CCNH: variants seen among roughly 807,000 people sequenced by gnomAD.
CCNH encodes the protein cyclin H.
CCNH carries 31 observed loss-of-function variants against 41.9 expected under a neutral mutation model. The observed-to-expected ratio is 0.74, with a 90% CI of 0.56 to 1.00. The LOEUF is 1.00. Ranked by LOEUF, CCNH falls within the 50% of genes least tolerant of loss-of-function variation. The probability of loss-of-function intolerance (pLI) is 0.00; values close to 1 mark genes in which losing one functional copy is unlikely to be tolerated. For missense variants in CCNH, 362 were observed against 388.4 expected (o/e 0.93, Z 0.57); for synonymous variants, 138 against 136.1 (o/e 1.01, Z -0.10).
intron 9 of CCNH, chr5:87,383,588 T>G: frequency 1.6e-6 from 1 of 636,490 alleles, no homozygotes. Context: ...TTTCTTTTAT[T>G]GGTTTAGAGT....
intron 9 of CCNH, among the ~76,000 whole-genome samples, chr5:87,326,997 T>G (rs1757277947): frequency 6.6e-6 from 1 of 152,200 alleles, no homozygotes; most frequent in Non-Finnish European, 1.5e-5. Context: ...TCATAAAATT[T>G]GTTAGTTTTT....
chr5:87,322,973 T>C (rs1046013623), intron 9 of CCNH, among the ~76,000 whole-genome samples: 2 of 152,204 alleles, frequency 1.3e-5, no homozygotes. Context: ...GATGTTGATA[T>C]ATTCACCTTA....
intron 9 of CCNH, chr5:87,383,661 A>T: frequency 7.4e-7 from 1 of 1,349,382 alleles, no homozygotes; most frequent in Non-Finnish European, 1.0e-6. Flanking sequence ...AATGTAACAC[A>T]TTATATAGGT....
In CCNH at chr5:87,411,276, C is replaced by T. The variant is rs751743850; in HGVS notation, c.188G>A (p.Arg63Lys). The T allele has an allele frequency of 6.2e-7, 1 of 1,612,630 alleles. No individual in the cohort carries two copies. The highest frequency in any genetic ancestry group is 8.5e-7 in the Non-Finnish European group (1 of 1,179,426). The change falls in exon 2 of 9, where the codon AGG becomes AAG. Residue 63 changes from arginine (R) to lysine (K), a missense_variant. By Grantham distance (26) the Arg-to-Lys change is conservative. Coordinates refer to ENST00000256897, the MANE Select transcript of CCNH (RefSeq NM_001239.4). ...AAACACCGAACAGAATTCCAATAAC[C>T]TTTTCTCATAGTATTTGCAGAGTGT... ...EMTLCKYYEKRLLEFCSVFKP... is the reference protein window; with the variant it reads ...EMTLCKYYEKKLLEFCSVFKP...
At chr5:87,330,217 T>G (rs928570563) in intron 9 of CCNH, among the ~76,000 whole-genome samples, 1 of 152,136 alleles carries the variant, frequency 6.6e-6, no homozygotes, top group Admixed American at 6.5e-5. Context: ...TGTTTTTGTT[T>G]TATTTTTAAA....
At chr5:87,395,601 A>AG (rs1762894090) in intron 7 of CCNH, among the ~76,000 whole-genome samples, 1 of 152,220 alleles carries the variant, frequency 6.6e-6, no homozygotes, top group Non-Finnish European at 1.5e-5. Context: ...TGCTGGGCAC[A>AG]GGGGCTCACA....
At chr5:87,407,137 C>G (rs1250965933) in intron 4 of CCNH, among the ~76,000 whole-genome samples, 2 of 152,074 alleles carry the variant, frequency 1.3e-5, no homozygotes, top group Non-Finnish European at 2.9e-5. Flanking sequence ...TTGGAATGTT[C>G]TTCTCTCTCC....
intron 6 of CCNH, 35 bp downstream of exon 6, chr5:87,401,667 A>G: frequency 7.7e-7 from 1 of 1,298,230 alleles, no homozygotes; most frequent in Non-Finnish European, 1.1e-6. Flanking sequence ...TTTGTATTGG[A>G]AGAAACATTT....
intron 9 of CCNH, among the ~76,000 whole-genome samples, chr5:87,358,691 G>A (rs1395959983): frequency 1.3e-5 from 2 of 152,144 alleles, no homozygotes; most frequent in Non-Finnish European, 2.9e-5. Flanking sequence ...AAAAGCCAAA[G>A]TCCTTAGAAT....
downstream of CCNH, among the ~76,000 whole-genome samples, chr5:87,316,439 C>T (rs979921307): frequency 2.0e-5 from 3 of 152,192 alleles, no homozygotes; most frequent in Non-Finnish European, 4.4e-5. Flanking sequence ...TGGACAATCA[C>T]AAAAATACTT....
At chr5:87,359,671 A>T (rs1000779681) in intron 9 of CCNH, among the ~76,000 whole-genome samples, 12 of 152,208 alleles carry the variant, frequency 7.9e-5, no homozygotes, top group African/African-American at 2.7e-4. Flanking sequence ...AATCTGTATT[A>T]CCAGGAAAGT....
At chr5:87,392,460 C>T (rs190456284), downstream of CCNH, 902 of 413,554 alleles carry the variant, frequency 2.2e-3, 3 homozygotes, top group Admixed American at 4.8e-3. Context: ...CCCTTCTTGG[C>T]TCTTTTATCA....
At chr5:87,409,226 A>G (rs1263199443) in intron 3 of CCNH, 64 bp downstream of exon 3, 1 of 957,538 alleles carries the variant, frequency 1.0e-6, no homozygotes, top group African/African-American at 1.7e-5. Flanking sequence ...TCCTCCCAAA[A>G]AATACTCAAA....
chr5:87,342,697 T>G (rs182260680), intron 9 of CCNH, among the ~76,000 whole-genome samples: 56 of 152,230 alleles, frequency 3.7e-4, no homozygotes, highest in Admixed American at 9.8e-4. Context: ...GGGAAAACTG[T>G]GGGAAGTAGA....
At chr5:87,399,127 C>G (rs1763193916) in intron 7 of CCNH, among the ~76,000 whole-genome samples, 1 of 152,028 alleles carries the variant, frequency 6.6e-6, no homozygotes, top group Admixed American at 6.6e-5. Flanking sequence ...TTAGGAAGAC[C>G]CTGACCCCTG....
chr5:87,367,098 AT>A lies in CCNH; in HGVS notation c.*90+25671del, dbSNP rs200051325. Among the ~76,000 whole-genome samples the A allele has an allele frequency of 9.2e-3, 1,400 of 152,096 alleles. 27 individuals carry two copies. The highest frequency in any genetic ancestry group is 0.031 in the African/African-American group (1,302 of 41,480). ...AAAGTATGCTACTTTATTATTAACT[AT>A]TTTTTTTAAAGTGCCTTCCTGTGAA... On this transcript the variant is annotated intron_variant and NMD_transcript_variant, in intron 9 of 9. Transcript: ENST00000645953.
chr5:87,362,692 T>A (rs2112457533), intron 9 of CCNH: 1 of 1,598,892 alleles, frequency 6.3e-7, no homozygotes, highest in Non-Finnish European at 8.6e-7. Flanking sequence ...ACTTTTATCA[T>A]TAACCCATTT....
chr5:87,316,083 A>G (rs1051282770), downstream of CCNH, among the ~76,000 whole-genome samples: 2 of 152,240 alleles, frequency 1.3e-5, no homozygotes, highest in African/African-American at 4.8e-5. Context: ...TTTCAGAACT[A>G]TTAATGTTTA....
At chr5:87,395,927 T>C (rs556562121) in intron 7 of CCNH, among the ~76,000 whole-genome samples, 1 of 151,958 alleles carries the variant, frequency 6.6e-6, no homozygotes, top group African/African-American at 2.4e-5. Context: ...AAAAAAGTTG[T>C]GAAAAACAAT....
Sources: allele counts gnomAD v4.1 joint callset (sites outside exome capture counted in the v4.1 genomes callset), GRCh38; gene constraint gnomAD v4.1.1; transcripts MANE v1.5; gene names NCBI Gene and HGNC (gene_info 2026-07-23, HGNC 2026-07-21).